DCDC2C: variants seen among roughly 807,000 people sequenced by gnomAD.
The protein encoded by DCDC2C is doublecortin domain containing 2C.
A neutral mutation model predicts 45.0 loss-of-function variants in DCDC2C; 44 were observed. That is an observed-to-expected ratio of 0.98 (90% CI 0.77 to 1.26). The LOEUF (loss-of-function observed/expected upper bound fraction) is 1.26, where lower values mean the gene tolerates loss of function less well. DCDC2C is among the 50% of genes most tolerant of loss of function. The pLI, the probability that DCDC2C is intolerant of heterozygous loss-of-function variation, is 0.00. For synonymous variants in DCDC2C, 187 were observed against 178.8 expected (o/e 1.05, Z -0.37); for missense variants, 447 against 468.9 (o/e 0.95, Z 0.43).
intron 1 of DCDC2C, among the ~76,000 whole-genome samples, chr2:3,706,331 C>A (rs892829422): frequency 3.3e-5 from 5 of 152,082 alleles, no homozygotes; most frequent in Admixed American, 2.0e-4. Flanking sequence ...CAATATCCAG[C>A]CATTACTCAG....
chr2:3,708,121 C>T (rs1222810413), intron 1 of DCDC2C, among the ~76,000 whole-genome samples: 1 of 150,484 alleles, frequency 6.6e-6, no homozygotes, highest in African/African-American at 2.5e-5. Flanking sequence ...TTTCTGTGAG[C>T]AGGAGGGAGC....
rs1215268115 is a variant in DCDC2C, at chr2:3,769,381, C to A, written c.924C>A (p.His308Gln). ...TQGALDVKEE[H>Q]NVQLEVPVDQ... ...GGGCGCTGGACGTCAAAGAGGAGCA[C>A]AATGTGCAGCTGGAGGTGCCTGTGG... Residue 308 changes from histidine (H) to glutamine (Q), a missense_variant, in exon 8 of 11, where the codon CAC (histidine) becomes CAA (glutamine). By Grantham distance (24) the His-to-Gln change is conservative (BLOSUM62 0). Coordinates refer to ENST00000399143, the MANE Select transcript of DCDC2C (RefSeq NM_001287444.2). 1 of 1,550,564 alleles carries A rather than the reference C, an allele frequency of 6.4e-7. No homozygotes were observed. Among genetic ancestry groups the A allele is most frequent in the Admixed American group, 2.0e-5 (1 of 50,998 alleles).
intron 10 of DCDC2C, among the ~76,000 whole-genome samples, chr2:3,838,436 T>C: frequency 7.1e-6 from 1 of 139,964 alleles, no homozygotes; most frequent in South Asian, 2.5e-4. Context: ...ACTGTTGTGG[T>C]CCCCAAGGAT....
At chr2:3,705,492 C>T (rs1025057386) in intron 1 of DCDC2C, among the ~76,000 whole-genome samples, 1 of 152,204 alleles carries the variant, frequency 6.6e-6, no homozygotes, top group Admixed American at 6.5e-5. Flanking sequence ...AAGAATATAT[C>T]TCTACAAAAA....
At chr2:3,811,728 G>A (rs13019058) in intron 10 of DCDC2C, among the ~76,000 whole-genome samples, 22,576 of 152,068 alleles carry the variant, frequency 0.15, 1,773 homozygotes, top group East Asian at 0.29. Flanking sequence ...GTCATAAATA[G>A]CTCTTATTAT....
chr2:3,804,125 C>T (rs1032045365), intron 10 of DCDC2C, among the ~76,000 whole-genome samples: 2 of 152,166 alleles, frequency 1.3e-5, no homozygotes, highest in African/African-American at 4.8e-5. Flanking sequence ...GCAGAGACCA[C>T]ACCTTATATT....
At position 3,734,950 on chromosome 2, in the gene DCDC2C, G is replaced by A. The variant is rs1349130163; in HGVS notation, c.417-6970G>A. ...ACTCCCTTATCGTGGCCTAAAGAGA[G>A]GAGGCAATTGGAGAGAAATTAGGCA... On this transcript the variant is annotated intron_variant, in intron 3 of 10. Transcript: ENST00000399143. The surrounding 1 kb of genome is among the most constrained non-coding windows in gnomAD (Gnocchi z 4.2). Among the ~76,000 whole-genome samples, 1 of 152,190 alleles carries A rather than the reference G, an allele frequency of 6.6e-6. No individual in the cohort carries two copies. Among genetic ancestry groups the A allele is most frequent in the African/African-American group, 2.4e-5 (1 of 41,446 alleles).
chr2:3,773,646 T>A (rs1268855261), intron 8 of DCDC2C, among the ~76,000 whole-genome samples: 2 of 152,258 alleles, frequency 1.3e-5, no homozygotes, highest in Admixed American at 1.3e-4. Context: ...TAAGATTATA[T>A]TTAGTTTTGT....
intron 3 of DCDC2C, among the ~76,000 whole-genome samples, chr2:3,737,117 A>T (rs1669053342): frequency 6.6e-6 from 1 of 152,160 alleles, no homozygotes; most frequent in African/African-American, 2.4e-5. Flanking sequence ...GAGTACCCCC[A>T]GGTGCCAGGC....
chr2:3,709,341 C>A (rs1236606565), intron 2 of DCDC2C, among the ~76,000 whole-genome samples: 1 of 152,176 alleles, frequency 6.6e-6, no homozygotes, highest in African/African-American at 2.4e-5. Flanking sequence ...ATGGTAAAAT[C>A]TGTATAATGT....
intron 10 of DCDC2C, among the ~76,000 whole-genome samples, chr2:3,815,223 G>A (rs932928154): frequency 2.6e-5 from 4 of 152,240 alleles, no homozygotes; most frequent in African/African-American, 4.8e-5. Context: ...GAAAAAGCAC[G>A]GTTTCCCCAG....
At chr2:3,794,516 T>C (rs1670906373) in intron 10 of DCDC2C, among the ~76,000 whole-genome samples, 1 of 150,316 alleles carries the variant, frequency 6.7e-6, no homozygotes, top group Admixed American at 6.6e-5. Flanking sequence ...CCCTCCCCGC[T>C]CCCCCCACCC....
intron 10 of DCDC2C, among the ~76,000 whole-genome samples, chr2:3,826,099 A>G (rs1671808840): frequency 6.6e-6 from 1 of 152,234 alleles, no homozygotes; most frequent in South Asian, 2.1e-4. Context: ...ATATTCTGTA[A>G]TAACCCAGCC....
intron 10 of DCDC2C, among the ~76,000 whole-genome samples, chr2:3,841,994 C>G (rs1416778695): frequency 6.6e-6 from 1 of 152,070 alleles, no homozygotes; most frequent in African/African-American, 2.4e-5. Context: ...TATTTTTACC[C>G]CTATTTTCAA....
chr2:3,743,839 C>T (rs959962575), intron 4 of DCDC2C, among the ~76,000 whole-genome samples: 20 of 151,936 alleles, frequency 1.3e-4, no homozygotes, highest in Middle Eastern at 3.2e-3. Flanking sequence ...AGGCCGAGGC[C>T]GGTGGATCAC....
At chr2:3,833,954 G>A (rs543775168) in intron 10 of DCDC2C, among the ~76,000 whole-genome samples, 5 of 152,234 alleles carry the variant, frequency 3.3e-5, no homozygotes, top group Non-Finnish European at 5.9e-5. Context: ...CCGATTTTGA[G>A]TACAGAATGT....
intron 10 of DCDC2C, among the ~76,000 whole-genome samples, chr2:3,836,688 C>T (rs1301536421): frequency 6.6e-6 from 1 of 152,108 alleles, no homozygotes; most frequent in African/African-American, 2.4e-5. Flanking sequence ...GGGTGAAACC[C>T]TGTCTTGACT....
chr2:3,725,195 C>CATTCAGAGAACTGCTACGCTGT (rs1668607108), intron 2 of DCDC2C, among the ~76,000 whole-genome samples: 1 of 152,098 alleles, frequency 6.6e-6, no homozygotes, highest in Admixed American at 6.5e-5. Flanking sequence ...GGCTTAGTGC[C>CATTCAGAGAACTGCTACGCTGT]GGCGGGGGCG....
intron 6 of DCDC2C, among the ~76,000 whole-genome samples, chr2:3,764,045 G>A (rs772214684): frequency 3.3e-5 from 5 of 152,202 alleles, no homozygotes; most frequent in Non-Finnish European, 5.9e-5. Flanking sequence ...TAGTTAACAT[G>A]AGCAGACTAA....
Sources: gnomAD v4.1 joint callset for allele counts (sites outside exome capture counted in the v4.1 genomes callset) on GRCh38, gnomAD v4.1.1 for gene constraint, Gnocchi (gnomAD v3.1) non-coding constraint, MANE v1.5 for transcripts, NCBI Gene and HGNC (gene_info 2026-07-23, HGNC 2026-07-21) for gene names.